Variants in CNTN4 observed in about 807,000 individuals in gnomAD.
The protein encoded by CNTN4 is contactin-4.
In CNTN4, 77 loss-of-function variants were observed where a neutral mutation model predicts 122.5. The observed-to-expected ratio is 0.63, with a 90% confidence interval of 0.52 to 0.76. The LOEUF (loss-of-function observed/expected upper bound fraction) is 0.76, where lower values mean the gene tolerates loss of function less well. Ranked by LOEUF, CNTN4 falls within the 30% of genes least tolerant of loss-of-function variation. The pLI is 0.00. For missense variants in CNTN4, 1,256 were observed against 1,259.1 expected, an observed-to-expected ratio of 1.00 and a Z score of 0.04; for synonymous variants, 512 against 447.0, an observed-to-expected ratio of 1.15 and a Z score of -1.83.
chr3:3,008,282 C>G lies in CNTN4; in HGVS notation c.1487-17820C>G, dbSNP rs182121302. Reference sequence around the variant, plus strand: ...CTGTTTGGAGATAGAGCAAGTCAAGCAGAAAAACGCCATTCTCCTAAATGA... The same window carrying G: ...CTGTTTGGAGATAGAGCAAGTCAAGGAGAAAAACGCCATTCTCCTAAATGA... On this transcript the variant is annotated intron_variant, in intron 14 of 24. Coordinates refer to ENST00000418658, the MANE Select transcript of CNTN4 (RefSeq NM_175607.3). Among the ~76,000 whole-genome samples, 13 of 152,160 alleles carry G rather than the reference C, an allele frequency of 8.5e-5. No homozygotes were observed. The East Asian group carries it at 2.5e-3, about 29-fold the overall frequency.
At chr3:2,119,202 G>T (rs996141946) in intron 2 of CNTN4, among the ~76,000 whole-genome samples, 2 of 152,134 alleles carry the variant, frequency 1.3e-5, no homozygotes, top group African/African-American at 4.8e-5. Context: ...ACTCTTCATT[G>T]CTTGTCCAGT....
chr3:2,780,442 T>G (rs1049798386), intron 6 of CNTN4, among the ~76,000 whole-genome samples: 6 of 152,220 alleles, frequency 3.9e-5, no homozygotes, highest in African/African-American at 1.4e-4. Context: ...GCATGTTCTC[T>G]TTTATGCATT....
At chr3:2,891,946 A>G (rs1414964655) in intron 10 of CNTN4, among the ~76,000 whole-genome samples, 1 of 152,232 alleles carries the variant, frequency 6.6e-6, no homozygotes, top group Non-Finnish European at 1.5e-5. Flanking sequence ...GGTGAGAGAC[A>G]TTGTTGGTTA....
In CNTN4 at chr3:2,902,540, G is replaced by C. The variant is rs187991921; in HGVS notation, c.1078-336G>C. On this transcript the variant is annotated intron_variant, in intron 11 of 24. Transcript: ENST00000418658. ...TTATTTCCGAAACCCCCTAACTCTG[G>C]TCAGTACAAAGCCTTAAAGTGAAAA... Among the ~76,000 whole-genome samples the C allele has an allele frequency of 2.0e-5, 3 of 152,142 alleles. No individual in the cohort carries two copies. In the East Asian group the frequency reaches 5.8e-4, roughly 29 times the overall value.
chr3:2,521,357 C>CCCCCCA (rs10663515), intron 3 of CNTN4, among the ~76,000 whole-genome samples: 1 of 147,708 alleles, frequency 6.8e-6, no homozygotes, highest in African/African-American at 2.5e-5. Context: ...CCCCACCCCC[C>CCCCCCA]GCAATAAGTC....
chr3:2,490,986 A>G (rs1425866843), intron 3 of CNTN4, among the ~76,000 whole-genome samples: 1 of 152,200 alleles, frequency 6.6e-6, no homozygotes, highest in Admixed American at 6.5e-5. Context: ...TCTTTAGTGT[A>G]TACAAATTTC....
At chr3:2,492,589 A>T (rs2076348597) in intron 3 of CNTN4, among the ~76,000 whole-genome samples, 1 of 152,188 alleles carries the variant, frequency 6.6e-6, no homozygotes, top group African/African-American at 2.4e-5. Context: ...GTAGGTGACC[A>T]TGTTATCTGT....
At chr3:2,116,393 G>C (rs1192244439) in intron 2 of CNTN4, among the ~76,000 whole-genome samples, 1 of 151,998 alleles carries the variant, frequency 6.6e-6, no homozygotes, top group African/African-American at 2.4e-5. Flanking sequence ...AACTCTGTGG[G>C]GTAATTGCTA....
chr3:2,600,814 C>A (rs944796422), intron 4 of CNTN4, among the ~76,000 whole-genome samples: 1 of 152,118 alleles, frequency 6.6e-6, no homozygotes, highest in African/African-American at 2.4e-5. Flanking sequence ...TACAGTCCCA[C>A]CAACAGTGTA....
intron 7 of CNTN4, among the ~76,000 whole-genome samples, chr3:2,850,207 C>T (rs1039184171): frequency 6.6e-6 from 1 of 152,096 alleles, no homozygotes; most frequent in Non-Finnish European, 1.5e-5. Context: ...CCAGGCTGGT[C>T]TCAAACTCCT....
intron 12 of CNTN4, among the ~76,000 whole-genome samples, chr3:2,917,468 T>G (rs1304426999): frequency 6.6e-6 from 1 of 151,926 alleles, no homozygotes; most frequent in Non-Finnish European, 1.5e-5. Context: ...AAGTTTAGAT[T>G]CCAATTTCAG....
intron 6 of CNTN4, among the ~76,000 whole-genome samples, chr3:2,793,812 C>A (rs182425506): frequency 6.6e-6 from 1 of 152,252 alleles, no homozygotes; most frequent in African/African-American, 2.4e-5. Flanking sequence ...AAAACAAAAT[C>A]ATGTGGAACT....
Position 2,638,092 on chromosome 3 carries a change from G to C in CNTN4, c.55+66534G>C, listed in dbSNP as rs1324623083. 2.6e-5 allele frequency among the ~76,000 whole-genome samples: 4 copies of C among 152,166 alleles called. No individual in the cohort carries two copies. The South Asian group carries it at 8.3e-4, about 31-fold the overall frequency. ...GCCAACCACAGTGGTGGAATTTATA[G>C]GAATTTAACAAGTGATAATTATTGT... On this transcript the variant is annotated intron_variant, in intron 4 of 24. Coordinates refer to ENST00000418658, the MANE Select transcript of CNTN4 (RefSeq NM_175607.3).
chr3:2,422,635 C>T (rs190579930), intron 3 of CNTN4, among the ~76,000 whole-genome samples: 8 of 152,288 alleles, frequency 5.3e-5, no homozygotes, highest in Admixed American at 5.2e-4. Context: ...GGATGGGTTA[C>T]AAGAATTTAT....
intron 6 of CNTN4, among the ~76,000 whole-genome samples, chr3:2,752,070 C>A (rs1218569701): frequency 6.6e-6 from 1 of 152,070 alleles, no homozygotes; most frequent in Admixed American, 6.5e-5. Context: ...GAAAGTTATA[C>A]AATAACTGCT....
chr3:2,457,750 C>CAG (rs2049053171), intron 3 of CNTN4, among the ~76,000 whole-genome samples: 1 of 152,070 alleles, frequency 6.6e-6, no homozygotes, highest in African/African-American at 2.4e-5. Flanking sequence ...AACCTAAATG[C>CAG]AGAAATTTCC....
chr3:2,426,498 G>A (rs139779072), intron 3 of CNTN4, among the ~76,000 whole-genome samples: 2 of 152,150 alleles, frequency 1.3e-5, no homozygotes, highest in Non-Finnish European at 2.9e-5. Context: ...TTTTTGCATC[G>A]ATGTTTATCA....
At position 2,794,889 on chromosome 3, in the gene CNTN4, G is replaced by A. The variant is rs923977530; in HGVS notation, c.359-24597G>A. Among the ~76,000 whole-genome samples, 7 of 152,124 alleles carry A rather than the reference G, an allele frequency of 4.6e-5. No homozygotes were observed. In the South Asian group the frequency reaches 6.2e-4, roughly 13 times the overall value. On this transcript the variant is annotated intron_variant, in intron 6 of 24. Transcript: ENST00000418658. ...GTGGAAGGGGCAAGGGAGCTCTGTC[G>A]GGCCTATTAGGGGACTAATCCCATT...
intron 4 of CNTN4, among the ~76,000 whole-genome samples, chr3:2,608,965 C>T (rs570314553): frequency 1.3e-5 from 2 of 152,320 alleles, no homozygotes; most frequent in East Asian, 1.9e-4. Context: ...TGGTCTTGTT[C>T]TCCTTTCATC....
Sources: allele counts gnomAD v4.1 joint callset (sites outside exome capture counted in the v4.1 genomes callset), GRCh38; gene constraint gnomAD v4.1.1; transcripts MANE v1.5; gene names NCBI Gene and HGNC (gene_info 2026-07-23, HGNC 2026-07-21).